CLVS1: variants seen among roughly 807,000 people sequenced by gnomAD.
CLVS1 encodes the protein clavesin-1.
CLVS1 carries 10 observed loss-of-function variants against 33.1 expected under a neutral mutation model. That is an observed-to-expected ratio of 0.30 (90% CI 0.19 to 0.51). The LOEUF (loss-of-function observed/expected upper bound fraction) is 0.51, where lower values mean the gene tolerates loss of function less well. Ranked by LOEUF, CLVS1 falls within the 20% of genes least tolerant of loss-of-function variation. CLVS1 has a pLI of 0.97. For synonymous variants in CLVS1, 163 were observed against 166.1 expected, an observed-to-expected ratio of 0.98 and a Z score of 0.14; for missense variants, 343 against 433.4, an observed-to-expected ratio of 0.79 and a Z score of 1.85.
At chr8:61,263,504 G>A (rs11995189) in intron 2 of CLVS1, among the ~76,000 whole-genome samples, 21,656 of 152,110 alleles carry the variant, frequency 0.14, 3,178 homozygotes, top group African/African-American at 0.38. Context: ...AACTCCTTTC[G>A]TCGGCTCTTA....
the CLVS1 span, among the ~76,000 whole-genome samples, chr8:61,043,871 G>C: frequency 1.3e-5 from 2 of 152,150 alleles, no homozygotes; most frequent in Non-Finnish European, 2.9e-5. Flanking sequence ...CAGGGGTCTG[G>C]GGCATGTCAG....
intron 2 of CLVS1, among the ~76,000 whole-genome samples, chr8:61,373,767 T>C (rs1563522634): frequency 6.6e-6 from 1 of 152,228 alleles, no homozygotes; most frequent in African/African-American, 2.4e-5. Flanking sequence ...GCTATTGCTA[T>C]GTAACAAACC....
intron 2 of CLVS1, among the ~76,000 whole-genome samples, chr8:61,270,195 C>T (rs556766575): frequency 1.3e-5 from 2 of 152,098 alleles, no homozygotes; most frequent in African/African-American, 4.8e-5. Flanking sequence ...CCCATCAGTA[C>T]CTAATTTATT....
At chr8:61,333,541 T>C (rs1811676019) in intron 2 of CLVS1, among the ~76,000 whole-genome samples, 1 of 152,154 alleles carries the variant, frequency 6.6e-6, no homozygotes, top group Non-Finnish European at 1.5e-5. Context: ...CTTATTACTA[T>C]GTGAGAATAA....
chr8:61,207,374 G>GTGCTCCAGGGATGTGCAGT (rs1807875740), intron 2 of CLVS1, among the ~76,000 whole-genome samples: 1 of 152,038 alleles, frequency 6.6e-6, no homozygotes, highest in African/African-American at 2.4e-5. Context: ...AGCGGTGCAT[G>GTGCTCCAGGGATGTGCAGT]GGTTCCAGGG....
chr8:60,991,744 C>CTTT, the CLVS1 span, among the ~76,000 whole-genome samples: 13 of 118,964 alleles, frequency 1.1e-4, no homozygotes, highest in East Asian at 2.2e-4. Flanking sequence ...AAGCCCCACT[C>CTTT]TTTTTTTTTT....
the CLVS1 span, among the ~76,000 whole-genome samples, chr8:61,027,128 C>A: frequency 6.6e-6 from 1 of 152,104 alleles, no homozygotes; most frequent in East Asian, 1.9e-4. Flanking sequence ...TCATGCCTAT[C>A]CCAATAGGGC....
chr8:61,437,607 T>C (rs777731415), intron 3 of CLVS1, among the ~76,000 whole-genome samples: 4 of 152,112 alleles, frequency 2.6e-5, no homozygotes, highest in Non-Finnish European at 4.4e-5. Context: ...TATGGAGATA[T>C]GCAAGTTCAT....
chr8:61,419,094 G>A (rs368150053), intron 3 of CLVS1, among the ~76,000 whole-genome samples: 10 of 152,178 alleles, frequency 6.6e-5, no homozygotes, highest in East Asian at 5.8e-4. Context: ...CACAAACAAG[G>A]CCACAAATAA....
chr8:61,381,550 A>G (rs953471235), intron 3 of CLVS1, among the ~76,000 whole-genome samples: 17 of 152,164 alleles, frequency 1.1e-4, no homozygotes, highest in Non-Finnish European at 1.5e-5. Flanking sequence ...TAGTGAGCAT[A>G]ATACTCAATA....
At chr8:61,442,182 A>G (rs1272408252) in intron 3 of CLVS1, among the ~76,000 whole-genome samples, 1 of 152,186 alleles carries the variant, frequency 6.6e-6, no homozygotes, top group Non-Finnish European at 1.5e-5. Flanking sequence ...TGTCATATAA[A>G]TGGAATCATA....
At chr8:61,200,400 C>T (rs1023682126) in intron 2 of CLVS1, among the ~76,000 whole-genome samples, 1 of 152,268 alleles carries the variant, frequency 6.6e-6, no homozygotes, top group Non-Finnish European at 1.5e-5. Flanking sequence ...GGATTACAGG[C>T]GTGGGCCACC....
upstream of CLVS1, among the ~76,000 whole-genome samples, chr8:61,055,697 G>A (rs12548415): frequency 0.54 from 82,408 of 152,070 alleles, 23,371 homozygotes; most frequent in African/African-American, 0.7. Context: ...TCTTCTGGCT[G>A]TTGTGTTTTT....
intron 2 of CLVS1, among the ~76,000 whole-genome samples, chr8:61,313,964 T>C (rs1180593845): frequency 1.3e-5 from 2 of 152,146 alleles, no homozygotes; most frequent in Admixed American, 1.3e-4. Flanking sequence ...CTATGTGACT[T>C]GAGCTCCGGG....
intron 2 of CLVS1, among the ~76,000 whole-genome samples, chr8:61,367,129 T>C (rs1349177793): frequency 1.3e-5 from 2 of 152,078 alleles, no homozygotes; most frequent in Non-Finnish European, 2.9e-5. Context: ...GTGTATTGCA[T>C]CACTTCCCTT....
upstream of CLVS1, among the ~76,000 whole-genome samples, chr8:61,285,248 G>A (rs1007851353): frequency 2.0e-5 from 3 of 152,176 alleles, no homozygotes; most frequent in Non-Finnish European, 4.4e-5. Flanking sequence ...ATTTGCAACT[G>A]CCTTACTTGG....
At chr8:61,207,115 C>A (rs773501205) in intron 2 of CLVS1, among the ~76,000 whole-genome samples, 1 of 152,124 alleles carries the variant, frequency 6.6e-6, no homozygotes, top group Non-Finnish European at 1.5e-5. Context: ...AATGCCTTAG[C>A]ATCGCAAATA....
intron 2 of CLVS1, among the ~76,000 whole-genome samples, chr8:61,315,011 A>T (rs1318708911): frequency 6.6e-6 from 1 of 152,164 alleles, no homozygotes; most frequent in Non-Finnish European, 1.5e-5. Flanking sequence ...TGCCCAATGG[A>T]CCAGCAGGCA....
chr8:61,484,541 G>A (rs968857159), intron 5 of CLVS1, among the ~76,000 whole-genome samples: 6 of 152,244 alleles, frequency 3.9e-5, no homozygotes, highest in African/African-American at 1.2e-4. Flanking sequence ...CAGATTCAAC[G>A]CCATCCCCAT....
Sources: gnomAD v4.1 joint callset for allele counts (sites outside exome capture counted in the v4.1 genomes callset) on GRCh38, gnomAD v4.1.1 for gene constraint, MANE v1.5 for transcripts, NCBI Gene and HGNC (gene_info 2026-07-23, HGNC 2026-07-21) for gene names.